Variants in INPP5E observed in about 807,000 individuals in gnomAD.
INPP5E encodes phosphatidylinositol polyphosphate 5-phosphatase type IV.
A neutral mutation model predicts 50.5 loss-of-function variants in INPP5E; 34 were observed. That is an observed-to-expected ratio of 0.67 (90% CI 0.51 to 0.90). The LOEUF (loss-of-function observed/expected upper bound fraction) is 0.90. Among genes scored for constraint, INPP5E ranks in the 40% least tolerant of loss-of-function variants. The pLI, the probability that INPP5E is intolerant of heterozygous loss-of-function variation, is 0.00. For synonymous variants in INPP5E, 447 were observed against 406.0 expected (o/e 1.10, Z -1.21); for missense variants, 942 against 905.5 (o/e 1.04, Z -0.52).
rs753742613 is a variant in INPP5E at position 136,434,802 on chromosome 9, G to C, written c.874C>G (p.Arg292Gly). 1.3e-5 allele frequency: 21 copies of C among 1,611,340 alleles called. No individual in the cohort carries two copies. Among genetic ancestry groups the C allele is most frequent in the Admixed American group, 1.7e-5 (1 of 59,872 alleles). The part of the protein sequence containing the change: ...GALLGADELA[R>G]YFPDRNVALF... The stretch of plus-strand genomic sequence containing the variant: ...GCCACGTTCCGGTCTGGGAAGTAGC[G>C]GGCCAGCTCATCCGCCCCCAACAGG... The change falls in exon 2 of 10, where the codon CGC becomes GGC. Residue 292 changes from arginine to glycine, a missense_variant. Physicochemically the swap from Arg to Gly is moderately radical, Grantham distance 125. Transcript: ENST00000371712.
At chr9:136,430,435 A>C in intron 8 of INPP5E, 22 bp from the exon 9 acceptor site, 5 of 1,553,204 alleles carry the variant, frequency 3.2e-6, no homozygotes, top group Non-Finnish European at 3.5e-6. Context: ...TTGCAGAGGC[A>C]GGAGGTCCAG....
chr9:136,428,771 T>C lies in INPP5E; in HGVS notation c.*904A>G, dbSNP rs1022211349. 5.2e-5 allele frequency: 8 copies of C among 152,580 alleles called. No homozygotes were observed. Among genetic ancestry groups the C allele is most frequent in the African/African-American group, 1.9e-4 (8 of 41,438 alleles). The allele number at this position is 152,580 out of a possible 1,614,324, so 9.5% of individuals were successfully genotyped here. On this transcript the variant is annotated 3_prime_UTR_variant, in exon 10 of 10. Coordinates refer to ENST00000371712, the MANE Select transcript of INPP5E (RefSeq NM_019892.6). ...CACAAAGCAAGAATGAACGGTTCTA[T>C]ACTCTCGAAGAAAGAAACCCGGGAC...
At position 136,439,512 on chromosome 9, in the gene INPP5E, A is replaced by G; in HGVS notation, c.-93T>C. On this transcript the variant is annotated 5_prime_UTR_variant, in exon 1 of 10. Coordinates refer to ENST00000371712, the MANE Select transcript of INPP5E (RefSeq NM_019892.6). Reference sequence around the variant, plus strand: ...GTCCGGGGTCGCCGGCGCAGCGAGGAGCAGAAACGCCGCTGCGGCTCCCGC... The same window carrying G: ...GTCCGGGGTCGCCGGCGCAGCGAGGGGCAGAAACGCCGCTGCGGCTCCCGC... The G allele has an allele frequency of 2.2e-6, 2 of 925,900 alleles. No homozygotes were observed. Among genetic ancestry groups the G allele is most frequent in the Non-Finnish European group, 1.5e-6 (1 of 687,398 alleles). The allele number at this position is 925,900 out of a possible 1,614,324, so 57.4% of individuals were successfully genotyped here. A position where few individuals can be genotyped will look rare whatever the true frequency, so the allele number is the denominator to read the frequency against.
At position 136,429,773 on chromosome 9, in the gene INPP5E, G is replaced by A. The variant is rs1835655518; in HGVS notation, c.1837C>T (p.Leu613=). ...CGTCTTTTAATTCCTAGTAAGTACA[G>A]TTCTCTATCAAATTTGCCAGCTGCC... ...PLAAGKFDRE[L]YLLGIKRRIS... is the part of the protein sequence containing the mutation. The change falls in exon 10 of 10, where the codon CTG becomes TTG. Residue 613 remains leucine, a synonymous_variant. Coordinates refer to ENST00000371712, the MANE Select transcript of INPP5E (RefSeq NM_019892.6). 1.2e-6 allele frequency: 2 copies of A among 1,613,798 alleles called. No individual in the cohort carries two copies. Among genetic ancestry groups the A allele is most frequent in the Non-Finnish European group, 1.7e-6 (2 of 1,180,012 alleles).
chr9:136,433,476 C>T (rs889955946), intron 3 of INPP5E, among the ~76,000 whole-genome samples, 197 bp from the exon 4 acceptor site: 5 of 152,174 alleles, frequency 3.3e-5, no homozygotes, highest in African/African-American at 9.6e-5. Context: ...GGCCCCAGTT[C>T]CACTTGAGTG....
At position 136,431,951 on chromosome 9, in the gene INPP5E, C is replaced by G; in HGVS notation, c.1422G>C (p.Trp474Cys). 1 of 1,612,364 alleles carries G rather than the reference C, an allele frequency of 6.2e-7. No homozygotes were observed. The highest frequency in any genetic ancestry group is 8.5e-7 in the Non-Finnish European group (1 of 1,179,858). Residue 474 changes from tryptophan to cysteine, a missense_variant, in exon 7 of 10, where the codon TGG becomes TGC. Physicochemically the swap from Trp to Cys is radical, Grantham distance 215 (BLOSUM62 -2). Transcript: ENST00000371712. ...DVTTRFDEVF[W>C]FGDFNFRLSG... The stretch of plus-strand genomic sequence containing the variant: ...TCAGGCGGAAGTTGAAGTCTCCAAA[C>G]CAGAACACCTCATCGAAGCGGGTGG...
At position 136,429,523 on chromosome 9, in the gene INPP5E, G is replaced by C. The variant is rs1835649646; in HGVS notation, c.*152C>G. ...CTGCCACAGAGGACAGGCTCGCTCA[G>C]GGTTGGCTTCCTTCCTGGGACGCTG... On this transcript the variant is annotated 3_prime_UTR_variant, in exon 10 of 10. Transcript: ENST00000371712. 3 of 1,002,188 alleles carry C rather than the reference G, an allele frequency of 3.0e-6. No individual in the cohort carries two copies. In the South Asian group the frequency reaches 3.8e-5, roughly 13 times the overall value. The allele number at this position is 1,002,188 out of a possible 1,614,324, so 62.1% of individuals were successfully genotyped here.
At chr9:136,436,982 G>A (rs1324293353) in intron 1 of INPP5E, 2 of 152,266 alleles carry the variant, frequency 1.3e-5, no homozygotes, top group Admixed American at 1.3e-4. Context: ...TCTAACAGGT[G>A]TATCTACGTC....
intron 3 of INPP5E, 128 bp from the exon 4 acceptor site, chr9:136,433,407 C>G: frequency 7.4e-7 from 1 of 1,350,388 alleles, no homozygotes; most frequent in Non-Finnish European, 9.9e-7. Context: ...GTGTCTTGCG[C>G]GGAGAAGCAA....
At chr9:136,429,854 A>T in intron 9 of INPP5E, 47 bp from the exon 10 acceptor site, 1 of 1,281,350 alleles carries the variant, frequency 7.8e-7, no homozygotes, top group Non-Finnish European at 1.0e-6. Flanking sequence ...GGCCAGGAGG[A>T]GGGGGCGTTA....
intron 8 of INPP5E, among the ~76,000 whole-genome samples, chr9:136,430,679 A>G (rs965783940): frequency 2.0e-5 from 3 of 152,174 alleles, no homozygotes; most frequent in African/African-American, 7.2e-5. Flanking sequence ...ATATCCAGAT[A>G]TCGGGACATG....
intron 8 of INPP5E, 47 bp downstream of exon 8, chr9:136,430,955 T>C: frequency 7.4e-7 from 1 of 1,342,348 alleles, no homozygotes; most frequent in Middle Eastern, 1.8e-4. Flanking sequence ...CTGTGGGAGA[T>C]GCCTGCCCTG....
chr9:136,433,670 G>A (rs1275436453), intron 3 of INPP5E, among the ~76,000 whole-genome samples: 2 of 152,216 alleles, frequency 1.3e-5, no homozygotes, highest in African/African-American at 4.8e-5. Context: ...CCCTGCTCCG[G>A]CTGCCCTTCT....
rs1237384141 is a variant in INPP5E, at chr9:136,428,749, AAAGC to A, written c.*922_*925del. The A allele has an allele frequency of 1.3e-5, 2 of 152,550 alleles. No individual in the cohort carries two copies. Among genetic ancestry groups the A allele is most frequent in the African/African-American group, 4.8e-5 (2 of 41,432 alleles). 9.4% of individuals were successfully genotyped at this position (152,550 alleles called of 1,614,324 possible). A position where few individuals can be genotyped will look rare whatever the true frequency, so the allele number is the denominator to read the frequency against. On this transcript the variant is annotated 3_prime_UTR_variant, in exon 10 of 10. Coordinates refer to ENST00000371712, the MANE Select transcript of INPP5E (RefSeq NM_019892.6). ...TTTTTCAAGAGATGGAATGGGACAC[AAAGC>A]AAGAATGAACGGTTCTATACTCTCG...
At chr9:136,433,503 GC>G (rs1453001024) in intron 3 of INPP5E, among the ~76,000 whole-genome samples, 1 of 152,108 alleles carries the variant, frequency 6.6e-6, no homozygotes. Context: ...CTGGACCCCC[GC>G]CGAGACCCCA....
Position 136,439,198 on chromosome 9 carries a change from G to A in INPP5E, c.222C>T (p.Pro74=), listed in dbSNP as rs1835927192. The A allele has an allele frequency of 3.2e-6, 5 of 1,541,716 alleles. No individual in the cohort carries two copies. The highest frequency in any genetic ancestry group is 3.5e-6 in the Non-Finnish European group (4 of 1,149,346). Residue 74 remains proline, a synonymous_variant, in exon 1 of 10, where the codon CCC becomes CCT. Coordinates refer to ENST00000371712, the MANE Select transcript of INPP5E (RefSeq NM_019892.6). The part of the protein sequence containing the change: ...PARAAPIAPR[P]PARPRLERAL... The stretch of plus-strand genomic sequence containing the variant: ...CTCGCTCCAGTCGAGGCCTGGCGGG[G>A]GGCCGCGGGGCGATGGGTGCTGCTC...
At position 136,431,998 on chromosome 9, in the gene INPP5E, G is replaced by A. The variant is rs78828148; in HGVS notation, c.1388-13C>T. 4,057 of 1,612,606 alleles carry A rather than the reference G, an allele frequency of 2.5e-3. 80 individuals carry two copies. The African/African-American group carries it at 0.049, about 19-fold the overall frequency. ...GTGGTGACGTCCGCTGCGGCACAGT[G>A]GGCCATGTGTGGGCACAGGCAGAGG... On this transcript the variant is annotated splice_polypyrimidine_tract_variant and intron_variant, in intron 6 of 9. Transcript: ENST00000371712.
In INPP5E at chr9:136,431,004, T is replaced by A; in HGVS notation, c.1663A>T (p.Thr555Ser). ...STSKQRTPSYTDRVLYRSRHK... is the reference protein window; with the variant it reads ...STSKQRTPSYSDRVLYRSRHK... ...CCGCAGCGGTGGGCAGGCCTCACCG[T>A]GTATGAGGGCGTCCTCTGCTTGGAG... Residue 555 changes from threonine (T) to serine (S), a missense_variant and splice_region_variant, in exon 8 of 10, where the codon ACG (threonine) becomes TCG (serine). Thr to Ser is a moderately conservative substitution (Grantham distance 58). Coordinates refer to ENST00000371712, the MANE Select transcript of INPP5E (RefSeq NM_019892.6). The A allele has an allele frequency of 6.2e-7, 1 of 1,600,880 alleles. No homozygotes were observed. The highest frequency in any genetic ancestry group is 8.6e-7 in the Non-Finnish European group (1 of 1,168,468).
chr9:136,431,035 G>A lies in INPP5E; in HGVS notation c.1632C>T (p.Asp544=). The stretch of plus-strand genomic sequence containing the variant: ...AGGGCGTCCTCTGCTTGGAGGTGCT[G>A]TCGTACGTGTCCTTCCCGATGTCAA... ...YKFDIGKDTY[D]STSKQRTPSY... The change falls in exon 8 of 10, where the codon GAC becomes GAT. Residue 544 remains aspartate (D), a synonymous_variant. Coordinates refer to ENST00000371712, the MANE Select transcript of INPP5E (RefSeq NM_019892.6). 2 of 1,613,182 alleles carry A rather than the reference G, an allele frequency of 1.2e-6. No homozygotes were observed. Among genetic ancestry groups the A allele is most frequent in the Non-Finnish European group, 1.7e-6 (2 of 1,179,534 alleles).
Sources: gnomAD v4.1 joint callset for allele counts (sites outside exome capture counted in the v4.1 genomes callset) on GRCh38, gnomAD v4.1.1 for gene constraint, MANE v1.5 for transcripts, NCBI Gene and HGNC (gene_info 2026-07-23, HGNC 2026-07-21) for gene names.